ILKAP: variants seen among roughly 807,000 people sequenced by gnomAD.
ILKAP encodes the protein integrin-linked kinase-associated serine/threonine phosphatase 2C.
ILKAP carries 11 observed loss-of-function variants against 49.1 expected under a neutral mutation model. The observed-to-expected ratio is 0.22, with a 90% CI of 0.14 to 0.37. ILKAP has a LOEUF of 0.37. Among genes scored for constraint, ILKAP ranks in the 10% least tolerant of loss-of-function variants. The pLI is 1.00. For missense variants in ILKAP, 363 were observed against 510.8 expected, an observed-to-expected ratio of 0.71 and a Z score of 2.79; for synonymous variants, 186 against 192.8, an observed-to-expected ratio of 0.96 and a Z score of 0.29.
At chr2:238,176,296 C>A (rs549508801) in intron 9 of ILKAP, among the ~76,000 whole-genome samples, 160 of 152,136 alleles carry the variant, frequency 1.1e-3, no homozygotes, top group African/African-American at 3.8e-3. Flanking sequence ...ACCGTGCCAG[C>A]TAATTTTTTT....
rs904136074 is a variant in ILKAP at position 238,170,476 on chromosome 2, C to T, written c.*60G>A. On this transcript the variant is annotated 3_prime_UTR_variant, in exon 12 of 12. Coordinates refer to ENST00000254654, the MANE Select transcript of ILKAP (RefSeq NM_030768.3). ...GAGTACACAAAACACACAATGTGCACACACACAAAATGAACCTTTTAAGTC... is the reference window on the plus strand; with the variant it reads ...GAGTACACAAAACACACAATGTGCATACACACAAAATGAACCTTTTAAGTC... 1 of 1,525,874 alleles carries T rather than the reference C, an allele frequency of 6.6e-7. No homozygotes were observed. The highest frequency in any genetic ancestry group is 8.9e-7 in the Non-Finnish European group (1 of 1,129,514). 94.5% of individuals were successfully genotyped at this position (1,525,874 alleles called of 1,614,324 possible). A position where few individuals can be genotyped will look rare whatever the true frequency, so the allele number is the denominator to read the frequency against.
intron 9 of ILKAP, among the ~76,000 whole-genome samples, chr2:238,180,491 T>C (rs1448993599): frequency 4.6e-5 from 7 of 152,254 alleles, no homozygotes; most frequent in African/African-American, 1.7e-4. Flanking sequence ...GACACAATGT[T>C]CACTGCTAGT....
intron 4 of ILKAP, 138 bp from the exon 5 acceptor site, chr2:238,188,395 C>CCT (rs1200185481): frequency 1.0e-6 from 1 of 986,240 alleles, no homozygotes; most frequent in Non-Finnish European, 1.5e-6. Flanking sequence ...AAGCAATACC[C>CCT]CTTAAGGCAT....
Position 238,188,405 on chromosome 2 carries a change from T to C in ILKAP, c.299-148A>G, listed in dbSNP as rs1052159454. 4 of 892,204 alleles carry C rather than the reference T, an allele frequency of 4.5e-6. No homozygotes were observed. In the African/African-American group the frequency reaches 5.1e-5, roughly 11 times the overall value. 55.3% of individuals were successfully genotyped at this position (892,204 alleles called of 1,614,324 possible). ...CAAATAAGCAATACCCCTTAAGGCA[T>C]CTCCCCCAGCTGCAAGTCTATAACT... is the stretch of plus-strand genomic sequence containing the variant. On this transcript the variant is annotated intron_variant, in intron 4 of 11. Coordinates refer to ENST00000254654, the MANE Select transcript of ILKAP (RefSeq NM_030768.3).
intron 3 of ILKAP, among the ~76,000 whole-genome samples, chr2:238,193,742 C>A (rs1420426162): frequency 6.6e-6 from 1 of 152,194 alleles, no homozygotes; most frequent in Non-Finnish European, 1.5e-5. Context: ...CCCACACCAT[C>A]TATCTCCCAA....
chr2:238,201,598 T>C (rs1441467333), intron 1 of ILKAP, among the ~76,000 whole-genome samples: 3 of 152,216 alleles, frequency 2.0e-5, no homozygotes, highest in Non-Finnish European at 4.4e-5. Context: ...CCACTGTATC[T>C]GGCAAAAGGC....
chr2:238,183,654 C>T lies in ILKAP; in HGVS notation c.713G>A (p.Arg238Gln). The T allele has an allele frequency of 1.9e-6, 3 of 1,610,776 alleles. No homozygotes were observed. Among genetic ancestry groups the T allele is most frequent in the Non-Finnish European group, 1.7e-6 (2 of 1,178,076 alleles). The part of the protein sequence containing the change: ...ILYIANLGDS[R>Q]AILCRYNEES... The stretch of plus-strand genomic sequence containing the variant: ...GTGGGTGGCTCCAGAGCCACATACC[C>T]GACTATCTCCGAGGTTGGCAATATA... Residue 238 changes from arginine to glutamine, a missense_variant and splice_region_variant, in exon 8 of 12, where the codon CGG (arginine) becomes CAG (glutamine). Arg to Gln is a conservative substitution (Grantham distance 43). This residue lies in a region of ILKAP where 166 missense variants were observed against 307.3 expected (regional missense o/e 0.54). Transcript: ENST00000254654.
intron 3 of ILKAP, among the ~76,000 whole-genome samples, chr2:238,193,546 T>A (rs1694228403): frequency 6.6e-6 from 1 of 152,204 alleles, no homozygotes; most frequent in South Asian, 2.1e-4. Flanking sequence ...TCATTACAAC[T>A]AAGGGTACTA....
At chr2:238,196,967 TC>T (rs1694369034) in intron 1 of ILKAP, among the ~76,000 whole-genome samples, 1 of 151,980 alleles carries the variant, frequency 6.6e-6, no homozygotes, top group Admixed American at 6.6e-5. Flanking sequence ...CTTTGGGAGG[TC>T]AAGGTCAGGA....
intron 9 of ILKAP, among the ~76,000 whole-genome samples, chr2:238,177,617 C>T (rs1432550786): frequency 1.3e-5 from 2 of 152,122 alleles, no homozygotes; most frequent in South Asian, 4.1e-4. Flanking sequence ...GCATAAAGTC[C>T]TCAGGTTCAT....
At position 238,188,243 on chromosome 2, in the gene ILKAP, A is replaced by C; in HGVS notation, c.313T>G (p.Phe105Val). 1 of 1,613,894 alleles carries C rather than the reference A, an allele frequency of 6.2e-7. No homozygotes were observed. The highest frequency in any genetic ancestry group is 8.5e-7 in the Non-Finnish European group (1 of 1,179,960). The stretch of plus-strand genomic sequence containing the variant: ...TCAGCCACATAGCCCTTCAGACCAA[A>C]GATCACCGAAGAGGCTAAGGAAAAG... ...KKVCKASSVI[F>V]GLKGYVAERK... The change falls in exon 5 of 12, where the codon TTT becomes GTT. Residue 105 changes from phenylalanine (F) to valine (V), a missense_variant. Physicochemically the swap from Phe to Val is conservative, Grantham distance 50 (BLOSUM62 -1). This residue lies in a region of ILKAP where 166 missense variants were observed against 307.3 expected (regional missense o/e 0.54). Transcript: ENST00000254654.
chr2:238,202,289 A>T (rs1225292653), intron 1 of ILKAP, among the ~76,000 whole-genome samples: 2 of 152,172 alleles, frequency 1.3e-5, no homozygotes, highest in Non-Finnish European at 2.9e-5. Flanking sequence ...ACATCCTTGG[A>T]AGCTCAATTC....
intron 9 of ILKAP, among the ~76,000 whole-genome samples, chr2:238,180,184 G>T (rs1574786156): frequency 6.7e-6 from 1 of 150,052 alleles, no homozygotes; most frequent in South Asian, 2.1e-4. Context: ...AAAAAAGAAA[G>T]AAAGAAAAAG....
chr2:238,174,015 G>A (rs1156873367), intron 9 of ILKAP: 1 of 204,248 alleles, frequency 4.9e-6, no homozygotes, highest in East Asian at 1.2e-4. Flanking sequence ...GCAGTGTTTT[G>A]TATCTTAAAG....
intron 6 of ILKAP, 102 bp from the exon 7 acceptor site, chr2:238,184,215 G>A: frequency 1.4e-6 from 1 of 735,522 alleles, no homozygotes. Flanking sequence ...TTTTGAGACG[G>A]AGTCTCGTTC....
chr2:238,175,237 T>C (rs1258962668), intron 9 of ILKAP, among the ~76,000 whole-genome samples: 15 of 151,830 alleles, frequency 9.9e-5, no homozygotes, highest in Admixed American at 9.8e-4. Flanking sequence ...TAGCTAGAAC[T>C]ACAGGTGTCA....
intron 3 of ILKAP, 135 bp downstream of exon 3, chr2:238,194,140 G>A: frequency 1.5e-6 from 1 of 656,714 alleles, no homozygotes; most frequent in East Asian, 2.8e-5. Flanking sequence ...CCTGTTTATA[G>A]TTTTAGTAAA....
At chr2:238,195,117 C>T (rs1001927370) in intron 1 of ILKAP, among the ~76,000 whole-genome samples, 2 of 152,158 alleles carry the variant, frequency 1.3e-5, no homozygotes, top group Non-Finnish European at 2.9e-5. Flanking sequence ...TCTTCAGGGC[C>T]ACTGAATATT....
At chr2:238,172,993 CAGG>C (rs1189643348) in intron 10 of ILKAP, among the ~76,000 whole-genome samples, 2 of 152,206 alleles carry the variant, frequency 1.3e-5, no homozygotes, top group Non-Finnish European at 2.9e-5. Flanking sequence ...GCATGGAGAA[CAGG>C]AGATGAACAG....
Sources: gnomAD v4.1 joint callset for allele counts (sites outside exome capture counted in the v4.1 genomes callset) on GRCh38, gnomAD v4.1.1 for gene constraint, gnomAD v4.1.1 regional missense constraint, MANE v1.5 for transcripts, NCBI Gene and HGNC (gene_info 2026-07-23, HGNC 2026-07-21) for gene names.